The following CDC16 variants were observed in gnomAD, a reference collection of about 807,000 sequenced individuals.
CDC16 encodes cell division cycle 16.
Under a neutral mutation model 87.0 loss-of-function variants are expected in CDC16, and 34 were observed. The ratio of observed to expected loss-of-function variants is 0.39; its 90% CI spans 0.30 to 0.52. The LOEUF is 0.52. Ranked by LOEUF, CDC16 falls within the 20% of genes least tolerant of loss-of-function variation. CDC16 has a pLI of 0.74. For missense variants in CDC16, 653 were observed against 751.9 expected (o/e 0.87, Z 1.54); for synonymous variants, 263 against 260.6 (o/e 1.01, Z -0.09).
chr13:114,245,514 CAT>C (rs1318340894), intron 9 of CDC16, among the ~76,000 whole-genome samples: 1 of 152,284 alleles, frequency 6.6e-6, no homozygotes, highest in East Asian at 1.9e-4. Context: ...AGCAACATCG[CAT>C]TTGTGGAAGC....
At chr13:114,268,117 C>A (rs4111176) in intron 17 of CDC16, among the ~76,000 whole-genome samples, 1 of 151,748 alleles carries the variant, frequency 6.6e-6, no homozygotes, top group African/African-American at 2.4e-5. Context: ...CCAAGGGTCC[C>A]GAGTTGGAAA....
chr13:114,249,560 T>C (rs1273591725), intron 11 of CDC16, among the ~76,000 whole-genome samples: 1 of 152,198 alleles, frequency 6.6e-6, no homozygotes, highest in Non-Finnish European at 1.5e-5. Context: ...TTCCACGTTT[T>C]GTGATATGTT....
At position 114,265,332 on chromosome 13, in the gene CDC16, T is replaced by C. The variant is rs2083135707; in HGVS notation, c.1603+92T>C. The stretch of plus-strand genomic sequence containing the variant: ...TGTTTCTCATATTCTCGTCTGAGGT[T>C]CCAAGTTCATCTTTCTAACCATTCG... On this transcript the variant is annotated intron_variant, in intron 17 of 17. Coordinates refer to ENST00000356221, the MANE Select transcript of CDC16 (RefSeq NM_001078645.3). 1.4e-5 allele frequency: 11 copies of C among 805,660 alleles called. 1 individual carries two copies. In the South Asian group the frequency reaches 1.5e-4, roughly 11 times the overall value. 49.9% of individuals were successfully genotyped at this position (805,660 alleles called of 1,614,324 possible).
rs2081393574 is a variant in CDC16 at position 114,238,852 on chromosome 13, G to A, written c.202-138G>A. 2.6e-6 allele frequency: 3 copies of A among 1,144,024 alleles called. No individual in the cohort carries two copies. The African/African-American group carries it at 4.7e-5, about 18-fold the overall frequency. The allele number at this position is 1,144,024 out of a possible 1,614,324, so 70.9% of individuals were successfully genotyped here. On this transcript the variant is annotated intron_variant, in intron 3 of 17. Coordinates refer to ENST00000356221, the MANE Select transcript of CDC16 (RefSeq NM_001078645.3). ...GGTTCATAATAAATATGGTTTAACA[G>A]GACTGGATTTTTTTTTTAACTGCAA...
intron 16 of CDC16, 81 bp from the exon 17 acceptor site, chr13:114,265,069 G>A: frequency 9.6e-7 from 1 of 1,037,478 alleles, no homozygotes; most frequent in Non-Finnish European, 1.5e-6. Flanking sequence ...TGGATGCCCT[G>A]GAATATTTTG....
intron 11 of CDC16, among the ~76,000 whole-genome samples, chr13:114,249,047 T>G (rs2082019409): frequency 1.3e-5 from 2 of 151,990 alleles, no homozygotes; most frequent in Middle Eastern, 6.8e-3. Flanking sequence ...ATTATTACAT[T>G]GTAGCATATA....
At chr13:114,263,044 A>G in intron 16 of CDC16, 30 bp downstream of exon 16, 1 of 1,602,048 alleles carries the variant, frequency 6.2e-7, no homozygotes, top group Non-Finnish European at 8.6e-7. Flanking sequence ...CTAATTTTAA[A>G]TCTGGTTAAC....
rs765367805 is a variant in CDC16, at chr13:114,243,906, A to G, written c.684A>G (p.Gln228=). 4 of 1,607,252 alleles carry G rather than the reference A, an allele frequency of 2.5e-6. No homozygotes were observed. Among genetic ancestry groups the G allele is most frequent in the Non-Finnish European group, 3.4e-6 (4 of 1,173,958 alleles). ...TVIPESVDGL[Q]ENLDVVVSLA... is the part of the protein sequence containing the mutation. ...TCCCTGAATCTGTAGATGGCTTGCA[A>G]GAGAATCTGGATGTGGTAGTGTCTT... The change falls in exon 8 of 18, where the codon CAA becomes CAG. Residue 228 remains glutamine (Q), a synonymous_variant. Transcript: ENST00000356221.
intron 11 of CDC16, among the ~76,000 whole-genome samples, chr13:114,249,797 TG>T (rs973801527): frequency 4.6e-5 from 7 of 152,230 alleles, no homozygotes; most frequent in Admixed American, 3.3e-4. Flanking sequence ...ATGGAGCTCC[TG>T]GATTAAGTAA....
intron 17 of CDC16, among the ~76,000 whole-genome samples, chr13:114,268,319 T>C (rs186259208): frequency 1.3e-5 from 2 of 152,344 alleles, no homozygotes; most frequent in East Asian, 3.9e-4. Context: ...AGGTCTTCAC[T>C]ACAAGTTGTC....
At chr13:114,245,717 G>A (rs190767974) in intron 9 of CDC16, 53 of 311,380 alleles carry the variant, frequency 1.7e-4, no homozygotes, top group Non-Finnish European at 2.8e-4. Context: ...TGGGCCCTTG[G>A]TGTGACAGGC....
At chr13:114,258,236 C>T (rs1385338790) in intron 13 of CDC16, among the ~76,000 whole-genome samples, 5 of 152,146 alleles carry the variant, frequency 3.3e-5, no homozygotes, top group Admixed American at 3.3e-4. Flanking sequence ...TGCGAATTTG[C>T]CTACTCATTA....
At chr13:114,239,184 T>C in intron 4 of CDC16, 156 bp downstream of exon 4, 1 of 1,405,770 alleles carries the variant, frequency 7.1e-7, no homozygotes. Flanking sequence ...TGCTATAAAA[T>C]ACTGATTCTT....
At chr13:114,245,294 C>G (rs1313086007) in intron 9 of CDC16, among the ~76,000 whole-genome samples, 1 of 140,274 alleles carries the variant, frequency 7.1e-6, no homozygotes, top group Non-Finnish European at 1.5e-5. Context: ...GTAAATTCCA[C>G]TGGAAATCTG....
chr13:114,265,719 T>G (rs2083163955), intron 17 of CDC16, among the ~76,000 whole-genome samples: 3 of 152,240 alleles, frequency 2.0e-5, no homozygotes, highest in Admixed American at 2.0e-4. Flanking sequence ...GGGCACTCGT[T>G]TAGTTATAAA....
rs575895821 is a variant in CDC16, at chr13:114,251,606, T to G, written c.1097+932T>G. ...TTAAATTAGTACCCACCTCAGTCAG[T>G]AGTCATAGTAACTTGGTAAGTATCA... On this transcript the variant is annotated intron_variant, in intron 12 of 17. Transcript: ENST00000356221. Among the ~76,000 whole-genome samples, 3 of 152,348 alleles carry G rather than the reference T, an allele frequency of 2.0e-5. No individual in the cohort carries two copies. In the East Asian group the frequency reaches 5.8e-4, roughly 29 times the overall value.
chr13:114,248,149 G>A (rs1461697377), intron 11 of CDC16, among the ~76,000 whole-genome samples: 5 of 152,174 alleles, frequency 3.3e-5, no homozygotes, highest in Non-Finnish European at 7.3e-5. Flanking sequence ...GCCTAGTGAA[G>A]CTATTTAACC....
At chr13:114,244,305 A>T (rs948982956) in intron 8 of CDC16, among the ~76,000 whole-genome samples, 46 of 152,224 alleles carry the variant, frequency 3.0e-4, no homozygotes, top group Middle Eastern at 3.2e-3. Flanking sequence ...TGAGACTCAC[A>T]CTGTAGATAC....
At chr13:114,239,291 A>G in intron 4 of CDC16, 59 bp from the exon 5 acceptor site, 1 of 1,549,140 alleles carries the variant, frequency 6.5e-7, no homozygotes, top group South Asian at 1.2e-5. Flanking sequence ...AAAAATTCGG[A>G]TCATGTGTTT....
Sources: gnomAD v4.1 joint callset for allele counts (sites outside exome capture counted in the v4.1 genomes callset) on GRCh38, gnomAD v4.1.1 for gene constraint, MANE v1.5 for transcripts, NCBI Gene and HGNC (gene_info 2026-07-23, HGNC 2026-07-21) for gene names.